IQSEC1: variants seen among roughly 807,000 people sequenced by gnomAD.
IQSEC1 encodes IQ motif and SEC7 domain-containing protein 1.
IQSEC1 carries 31 observed loss-of-function variants against 91.0 expected under a neutral mutation model. The observed-to-expected ratio is 0.34, with a 90% CI of 0.26 to 0.46. The LOEUF (loss-of-function observed/expected upper bound fraction) is 0.46, where lower values mean the gene tolerates loss of function less well. IQSEC1 is among the 20% of genes least tolerant of loss of function. The pLI is 1.00. For synonymous variants in IQSEC1, 699 were observed against 662.6 expected, an observed-to-expected ratio of 1.05 and a Z score of -0.84; for missense variants, 1,388 against 1,575.6, an observed-to-expected ratio of 0.88 and a Z score of 2.02.
intron 1 of IQSEC1, among the ~76,000 whole-genome samples, chr3:13,034,019 G>A (rs1703941500): frequency 6.6e-6 from 1 of 152,108 alleles, no homozygotes; most frequent in African/African-American, 2.4e-5. Context: ...ACTGCATTAG[G>A]GCCCACCCTA....
At chr3:13,125,315 C>A (rs1706495126) in intron 2 of IQSEC1, among the ~76,000 whole-genome samples, 1 of 152,202 alleles carries the variant, frequency 6.6e-6, no homozygotes, top group Non-Finnish European at 1.5e-5. Flanking sequence ...CACAGAGAAA[C>A]CTTCCCTGAC....
In IQSEC1 at chr3:13,176,710, C is replaced by T. The variant is rs914446746; in HGVS notation, c.273-12577G>A. ...AAGCACAGAGCTGGCAAGGGACGAC[C>T]GGAAACCCAGGGCACCTGCCTGCCG... On this transcript the variant is annotated intron_variant, in intron 1 of 15. Transcript: ENST00000648114. Among the ~76,000 whole-genome samples, 6 of 152,302 alleles carry T rather than the reference C, an allele frequency of 3.9e-5. No homozygotes were observed. In the East Asian group the frequency reaches 9.6e-4, roughly 24 times the overall value.
intron 1 of IQSEC1, among the ~76,000 whole-genome samples, chr3:13,167,962 G>A (rs966363732): frequency 1.3e-5 from 2 of 152,184 alleles, no homozygotes; most frequent in African/African-American, 2.4e-5. Flanking sequence ...ATGAGCTCCC[G>A]GCTGGAAGGG....
chr3:13,051,718 T>C (rs1704698639), intron 1 of IQSEC1, among the ~76,000 whole-genome samples: 1 of 152,168 alleles, frequency 6.6e-6, no homozygotes, highest in Non-Finnish European at 1.5e-5. Flanking sequence ...GAACTGGTGG[T>C]CATCCCCTTT....
At chr3:12,962,043 C>G (rs755697780) in intron 1 of IQSEC1, among the ~76,000 whole-genome samples, 7 of 152,222 alleles carry the variant, frequency 4.6e-5, no homozygotes, top group Non-Finnish European at 8.8e-5. Context: ...CTTCTTCTCA[C>G]AGATGTGGAA....
chr3:13,191,544 C>T (rs964489862), intron 1 of IQSEC1, among the ~76,000 whole-genome samples: 3 of 137,552 alleles, frequency 2.2e-5, no homozygotes, highest in African/African-American at 8.4e-5. Flanking sequence ...GCCATGTTGC[C>T]GAGGCTGGCC....
chr3:13,006,972 C>T (rs938723098), intron 1 of IQSEC1, among the ~76,000 whole-genome samples: 3 of 152,236 alleles, frequency 2.0e-5, no homozygotes, highest in African/African-American at 4.8e-5. Flanking sequence ...CTGCTACCGG[C>T]GGGTATCTCT....
chr3:13,150,082 C>T (rs973872773), intron 2 of IQSEC1, among the ~76,000 whole-genome samples: 1 of 152,204 alleles, frequency 6.6e-6, no homozygotes. Context: ...TCTCTTAATA[C>T]ACAACCTCTA....
chr3:13,167,241 C>T (rs1464101776), intron 1 of IQSEC1, among the ~76,000 whole-genome samples: 1 of 152,050 alleles, frequency 6.6e-6, no homozygotes, highest in Non-Finnish European at 1.5e-5. Context: ...CTGAGGCAGA[C>T]CTGGAGATAA....
intron 6 of IQSEC1, among the ~76,000 whole-genome samples, chr3:12,920,062 C>T (rs1266791313): frequency 6.6e-6 from 1 of 152,220 alleles, no homozygotes; most frequent in African/African-American, 2.4e-5. Context: ...GCTACTCATT[C>T]TCCATTTACA....
chr3:13,007,054 T>G (rs961051341), intron 1 of IQSEC1, among the ~76,000 whole-genome samples: 2 of 152,198 alleles, frequency 1.3e-5, no homozygotes, highest in Non-Finnish European at 2.9e-5. Flanking sequence ...TTTGCTAGGC[T>G]TTGTCCTCCT....
At position 12,924,718 on chromosome 3, in the gene IQSEC1, G is replaced by A. The variant is rs1696959665; in HGVS notation, c.1593C>T (p.Tyr531=). 1.3e-6 allele frequency: 2 copies of A among 1,593,622 alleles called. No individual in the cohort carries two copies. The highest frequency in any genetic ancestry group is 1.3e-5 in the African/African-American group (1 of 74,428). Residue 531 remains tyrosine (Y), a synonymous_variant, in exon 4 of 14, where the codon TAC becomes TAT. Coordinates refer to ENST00000613206, the MANE Select transcript of IQSEC1 (RefSeq NM_001134382.3). The surrounding 1 kb of genome is among the most constrained non-coding windows in gnomAD (Gnocchi z 6.3). The part of the protein sequence containing the change: ...FNKKPEKGVQ[Y]LIERGFVPDT... ...CGGGCACAAAGCCACGCTCGATGAG[G>A]TACTGGACTCCCTTCTCAGGCTTCC... is the stretch of plus-strand genomic sequence containing the variant.
At chr3:12,968,089 CAGCGTG>C (rs1181259097) in intron 1 of IQSEC1, among the ~76,000 whole-genome samples, 2 of 152,238 alleles carry the variant, frequency 1.3e-5, no homozygotes, top group Non-Finnish European at 2.9e-5. Context: ...TCTTCCTCTC[CAGCGTG>C]TAACCACAAC....
At chr3:13,154,616 T>G (rs924679580) in intron 2 of IQSEC1, among the ~76,000 whole-genome samples, 8 of 150,546 alleles carry the variant, frequency 5.3e-5, no homozygotes, top group African/African-American at 2.0e-4. Flanking sequence ...AATTGAGTAC[T>G]TGAGCAACTC....
intron 1 of IQSEC1, among the ~76,000 whole-genome samples, chr3:12,943,206 C>T (rs1380661170): frequency 2.0e-5 from 3 of 152,158 alleles, no homozygotes; most frequent in African/African-American, 7.2e-5. Flanking sequence ...GACCCTGAGA[C>T]CCAGTGGTCC....
intron 1 of IQSEC1, among the ~76,000 whole-genome samples, chr3:13,004,589 G>A (rs1702555519): frequency 6.6e-6 from 1 of 152,184 alleles, no homozygotes; most frequent in South Asian, 2.1e-4. Context: ...ACAGCAAAGA[G>A]CTTTTGACCG....
chr3:12,902,782 GCT>G lies in IQSEC1; in HGVS notation c.2794_2795del (p.Ser932GlnfsTer8). On this transcript the variant is annotated frameshift_variant, in exon 13 of 14. Transcript: ENST00000613206. LOFTEE classifies it low-confidence loss of function (END_TRUNC). ...GRRSSAGSLE[S>X]NVEGSIISSP... ...GGCGCTTCCTACTTACTTCCACATT[GCT>G]CTCTAGCGATCCCGCACTGCTGCGA... is the stretch of plus-strand genomic sequence containing the variant. 6.3e-7 allele frequency: 1 copy of G among 1,597,668 alleles called. No individual in the cohort carries two copies. The highest frequency in any genetic ancestry group is 8.5e-7 in the Non-Finnish European group (1 of 1,171,312).
intron 3 of IQSEC1, among the ~76,000 whole-genome samples, chr3:12,928,003 G>A (rs183364343): frequency 4.1e-4 from 63 of 152,200 alleles, no homozygotes; most frequent in Non-Finnish European, 7.6e-4. Context: ...GCTTTCTCCC[G>A]AGTGGGCTGA....
intron 6 of IQSEC1, 139 bp from the exon 7 acceptor site, chr3:12,915,872 G>C: frequency 1.0e-6 from 1 of 983,066 alleles, no homozygotes. Context: ...CACAGCAACA[G>C]GACATTTTCA....
Sources: allele counts gnomAD v4.1 joint callset (sites outside exome capture counted in the v4.1 genomes callset), GRCh38; gene constraint gnomAD v4.1.1; non-coding constraint Gnocchi (gnomAD v3.1); transcripts MANE v1.5; gene names NCBI Gene and HGNC (gene_info 2026-07-23, HGNC 2026-07-21).